The following PSAT1 variants were observed in gnomAD, a reference collection of about 807,000 sequenced individuals.
The protein encoded by PSAT1 is phosphoserine aminotransferase.
A neutral mutation model predicts 40.3 loss-of-function variants in PSAT1; 41 were observed. The observed-to-expected ratio is 1.02, with a 90% CI of 0.79 to 1.32. The LOEUF (loss-of-function observed/expected upper bound fraction) is 1.32. Among genes scored for constraint, PSAT1 ranks in the 40% most tolerant of loss-of-function variants. The pLI is 0.00. For missense variants in PSAT1, 406 were observed against 455.8 expected, an observed-to-expected ratio of 0.89 and a Z score of 0.99; for synonymous variants, 147 against 170.5, an observed-to-expected ratio of 0.86 and a Z score of 1.07.
chr9:78,306,428 C>G lies in PSAT1; in HGVS notation c.512C>G (p.Ala171Gly). Residue 171 changes from alanine to glycine, a missense_variant, in exon 5 of 9, where the codon GCA (alanine) becomes GGA (glycine). Physicochemically the swap from Ala to Gly is moderately conservative, Grantham distance 60. Coordinates refer to ENST00000376588, the MANE Select transcript of PSAT1 (RefSeq NM_058179.4). The part of the protein sequence containing the change: ...EFDFIPDVKG[A>G]VLVCDMSSNF... ...GACTTTATACCCGATGTCAAGGGAG[C>G]AGTACTGGTTTGTGACATGTCCTCA... The G allele has an allele frequency of 6.2e-7, 1 of 1,614,134 alleles. No individual in the cohort carries two copies. The highest frequency in any genetic ancestry group is 8.5e-7 in the Non-Finnish European group (1 of 1,180,030).
At chr9:78,312,364 A>G (rs1828280616) in intron 6 of PSAT1, among the ~76,000 whole-genome samples, 1 of 152,220 alleles carries the variant, frequency 6.6e-6, no homozygotes, top group Non-Finnish European at 1.5e-5. Flanking sequence ...ATAAAAATAC[A>G]AAACAAATAG....
At chr9:78,313,301 G>T (rs1027057177) in intron 6 of PSAT1, among the ~76,000 whole-genome samples, 2 of 152,186 alleles carry the variant, frequency 1.3e-5, no homozygotes. Flanking sequence ...GGAGGCGGAA[G>T]TTGCAGTGAG....
intron 3 of PSAT1, 109 bp downstream of exon 3, chr9:78,302,132 T>C (rs1028669054): frequency 1.2e-6 from 1 of 837,288 alleles, no homozygotes; most frequent in Admixed American, 2.0e-5. Context: ...ATTTCATAAT[T>C]TAAAATAATC....
In PSAT1 at chr9:78,315,643, G is replaced by A. The variant is rs186107552; in HGVS notation, c.741-2033G>A. Among the ~76,000 whole-genome samples the A allele has an allele frequency of 8.0e-3, 1,218 of 152,290 alleles. 19 individuals carry two copies. The highest frequency in any genetic ancestry group is 0.033 in the South Asian group (157 of 4,826). ...GGTAGGCTGGGGAAGCTTCAGGAGA[G>A]GTTGTTGGATGTTTGTGGCTGCTGG... On this transcript the variant is annotated intron_variant, in intron 6 of 8. Coordinates refer to ENST00000376588, the MANE Select transcript of PSAT1 (RefSeq NM_058179.4).
intron 6 of PSAT1, among the ~76,000 whole-genome samples, chr9:78,312,592 A>C (rs1828284098): frequency 6.6e-6 from 1 of 152,182 alleles, no homozygotes; most frequent in Non-Finnish European, 1.5e-5. Flanking sequence ...GCTACTCGGG[A>C]GGCTGAAGCA....
intron 6 of PSAT1, among the ~76,000 whole-genome samples, chr9:78,310,290 T>C (rs1828247497): frequency 6.6e-6 from 1 of 152,236 alleles, no homozygotes; most frequent in African/African-American, 2.4e-5. Context: ...GGCTGGGGTG[T>C]GAACCCAGGC....
intron 6 of PSAT1, among the ~76,000 whole-genome samples, chr9:78,310,254 C>T (rs1338732469): frequency 1.3e-5 from 2 of 152,060 alleles, no homozygotes; most frequent in East Asian, 1.9e-4. Context: ...GTGAGGAAGC[C>T]GAGGTCATAT....
chr9:78,305,764 C>CT (rs1346459496), intron 4 of PSAT1, among the ~76,000 whole-genome samples: 1 of 152,126 alleles, frequency 6.6e-6, no homozygotes, highest in Non-Finnish European at 1.5e-5. Flanking sequence ...ACTACGTGGG[C>CT]TGAGAGTAGG....
chr9:78,322,711 G>A (rs1211576090), intron 7 of PSAT1, among the ~76,000 whole-genome samples: 2 of 152,210 alleles, frequency 1.3e-5, no homozygotes, highest in Non-Finnish European at 2.9e-5. Context: ...AAAAGTGGGG[G>A]TGTGGTGGTT....
At chr9:78,307,479 C>T (rs143098410) in intron 5 of PSAT1, among the ~76,000 whole-genome samples, 23 of 152,346 alleles carry the variant, frequency 1.5e-4, no homozygotes, top group African/African-American at 5.5e-4. Flanking sequence ...TTTATTATCA[C>T]CAGGCACTGG....
chr9:78,304,686 T>C (rs1429042829), intron 3 of PSAT1, 49 bp from the exon 4 acceptor site: 1 of 1,538,846 alleles, frequency 6.5e-7, no homozygotes, highest in Non-Finnish European at 9.0e-7. Flanking sequence ...GTTCTCAATC[T>C]TTGACCACAT....
chr9:78,308,043 GA>G (rs910582909), intron 5 of PSAT1, among the ~76,000 whole-genome samples: 4 of 148,836 alleles, frequency 2.7e-5, no homozygotes, highest in East Asian at 3.9e-4. Context: ...CGTCTCAAAA[GA>G]AAAAAAAAAT....
rs1251559738 is a variant in PSAT1 at position 78,313,222 on chromosome 9, C to T, written c.741-4454C>T. Among the ~76,000 whole-genome samples the T allele has an allele frequency of 6.6e-5, 10 of 152,148 alleles. 1 individual carries two copies. The highest frequency in any genetic ancestry group is 2.4e-4 in the African/African-American group (10 of 41,526). On this transcript the variant is annotated intron_variant, in intron 6 of 8. Transcript: ENST00000376588. The stretch of plus-strand genomic sequence containing the variant: ...CTCTACTAAAAATACAAAAATTACC[C>T]GGGCGTAGTGGCGTGCACCTGTAAT...
chr9:78,324,341 C>T (rs928849367), intron 7 of PSAT1, among the ~76,000 whole-genome samples: 1 of 152,192 alleles, frequency 6.6e-6, no homozygotes, highest in African/African-American at 2.4e-5. Flanking sequence ...CATCTTCGTG[C>T]TCCACCAAGA....
intron 7 of PSAT1, among the ~76,000 whole-genome samples, chr9:78,325,705 G>A (rs1828487516): frequency 6.6e-6 from 1 of 152,220 alleles, no homozygotes; most frequent in African/African-American, 2.4e-5. Flanking sequence ...TAGATTGGAA[G>A]CAGTTAATTT....
At chr9:78,303,210 A>C (rs1364254849) in intron 3 of PSAT1, among the ~76,000 whole-genome samples, 1 of 152,192 alleles carries the variant, frequency 6.6e-6, no homozygotes, top group Admixed American at 6.5e-5. Context: ...TCTTTTTCAA[A>C]TTGCTTGATA....
In PSAT1 at chr9:78,302,020, T is replaced by C; in HGVS notation, c.188T>C (p.Leu63Ser). 6.2e-7 allele frequency: 1 copy of C among 1,607,570 alleles called. No individual in the cohort carries two copies. Residue 63 changes from leucine (L) to serine (S), a missense_variant, in exon 3 of 9, where the codon TTG becomes TCG. Coordinates refer to ENST00000376588, the MANE Select transcript of PSAT1 (RefSeq NM_058179.4). ...INNTENLVRE[L>S]LAVPDNYKVI... ...AATACAGAGAATCTTGTGCGGGAAT[T>C]GCTGTAAGTTTTAAAAAGACCAAAT... is the stretch of plus-strand genomic sequence containing the variant.
chr9:78,301,755 A>G (rs1828110400), intron 2 of PSAT1, among the ~76,000 whole-genome samples, 199 bp from the exon 3 acceptor site: 1 of 152,208 alleles, frequency 6.6e-6, no homozygotes, highest in Non-Finnish European at 1.5e-5. Context: ...TTCTGCCATG[A>G]CTATAAAGCT....
At chr9:78,298,433 ACTT>A in intron 1 of PSAT1, 4 of 985,138 alleles carry the variant, frequency 4.1e-6, no homozygotes, top group Non-Finnish European at 4.8e-6. Flanking sequence ...AGGGGAAAGG[ACTT>A]CTTACTTTTC....
Sources: gnomAD v4.1 joint callset for allele counts (sites outside exome capture counted in the v4.1 genomes callset) on GRCh38, gnomAD v4.1.1 for gene constraint, MANE v1.5 for transcripts, NCBI Gene and HGNC (gene_info 2026-07-23, HGNC 2026-07-21) for gene names.